FANCC: variants seen among roughly 807,000 people sequenced by gnomAD.
The protein encoded by FANCC is Fanconi anemia group C protein.
Under a neutral mutation model 71.3 loss-of-function variants are expected in FANCC, and 55 were observed. That is an observed-to-expected ratio of 0.77 (90% CI 0.62 to 0.97). FANCC has a LOEUF of 0.97. Among genes scored for constraint, FANCC ranks in the 50% least tolerant of loss-of-function variants. The pLI is 0.00. For synonymous variants in FANCC, 275 were observed against 244.9 expected (o/e 1.12, Z -1.15); for missense variants, 678 against 670.9 (o/e 1.01, Z -0.12).
intron 4 of FANCC, among the ~76,000 whole-genome samples, chr9:95,205,038 G>C (rs1313845742): frequency 6.6e-6 from 1 of 152,164 alleles, no homozygotes; most frequent in African/African-American, 2.4e-5. Flanking sequence ...AAATGAAAAT[G>C]ACTAAAGCAT....
intron 8 of FANCC, among the ~76,000 whole-genome samples, chr9:95,130,721 A>C (rs947657167): frequency 1.3e-5 from 2 of 152,188 alleles, no homozygotes; most frequent in African/African-American, 2.4e-5. Flanking sequence ...TTCTCTCCAC[A>C]GTGGGAAGCC....
At chr9:95,145,520 T>C (rs1488245968) in intron 7 of FANCC, 1 of 152,142 alleles carries the variant, frequency 6.6e-6, no homozygotes, top group African/African-American at 2.4e-5. Flanking sequence ...TCCCTGCAAC[T>C]AGAAAAATTG....
intron 1 of FANCC, chr9:95,293,884 G>A (rs1483129076): frequency 6.2e-7 from 1 of 1,605,678 alleles, no homozygotes; most frequent in Non-Finnish European, 8.5e-7. Flanking sequence ...GGAATGTGCA[G>A]AGACATTTTT....
At chr9:95,290,129 G>T (rs974000321) in intron 1 of FANCC, among the ~76,000 whole-genome samples, 4 of 152,138 alleles carry the variant, frequency 2.6e-5, no homozygotes, top group African/African-American at 4.8e-5. Context: ...ATGTCACTGG[G>T]TTCCAGAAGA....
intron 4 of FANCC, among the ~76,000 whole-genome samples, chr9:95,225,576 A>C (rs1332902444): frequency 6.6e-6 from 1 of 152,222 alleles, no homozygotes; most frequent in African/African-American, 2.4e-5. Flanking sequence ...AACAAAACAA[A>C]CTGAAAACAT....
At chr9:95,150,430 C>G (rs1286854718) in intron 6 of FANCC, among the ~76,000 whole-genome samples, 2 of 152,132 alleles carry the variant, frequency 1.3e-5, no homozygotes, top group Non-Finnish European at 2.9e-5. Flanking sequence ...TGATTCCTCC[C>G]TTTCTCTCAG....
chr9:95,134,657 G>A (rs1352046213), intron 8 of FANCC, among the ~76,000 whole-genome samples: 1 of 152,234 alleles, frequency 6.6e-6, no homozygotes, highest in Non-Finnish European at 1.5e-5. Context: ...CTTTATTCCT[G>A]TCCTTACAAA....
intron 6 of FANCC, among the ~76,000 whole-genome samples, chr9:95,168,595 A>G (rs1825459582): frequency 6.6e-6 from 1 of 152,212 alleles, no homozygotes; most frequent in African/African-American, 2.4e-5. Context: ...CAGTGATGCA[A>G]TATCAGCTCA....
intron 6 of FANCC, among the ~76,000 whole-genome samples, chr9:95,168,980 C>G (rs574949311): frequency 6.6e-6 from 1 of 152,284 alleles, no homozygotes; most frequent in East Asian, 1.9e-4. Context: ...GTTGTCAGAT[C>G]AACTGTCACA....
chr9:95,129,166 G>T (rs577361140), intron 8 of FANCC, among the ~76,000 whole-genome samples: 1 of 152,200 alleles, frequency 6.6e-6, no homozygotes, highest in East Asian at 1.9e-4. Context: ...AGTCTCCCTT[G>T]CTACCCCTAC....
chr9:95,187,415 G>A (rs1465089648), intron 4 of FANCC, among the ~76,000 whole-genome samples: 2 of 152,198 alleles, frequency 1.3e-5, no homozygotes, highest in African/African-American at 4.8e-5. Flanking sequence ...ACACTCACCT[G>A]ACGATATCAT....
chr9:95,201,549 G>A lies in FANCC; in HGVS notation c.346-29402C>T, dbSNP rs142864851. On this transcript the variant is annotated intron_variant, in intron 4 of 14. Transcript: ENST00000289081. ...CAAGTCTGGTTCTCTCTTTCCCTCC[G>A]TATTTTCTTCAAAGCAATCCACTAA... 6.7e-4 allele frequency among the ~76,000 whole-genome samples: 102 copies of A among 152,044 alleles called. No homozygotes were observed. The East Asian group carries it at 0.017, about 25-fold the overall frequency.
At chr9:95,163,565 A>G (rs1365051139) in intron 6 of FANCC, among the ~76,000 whole-genome samples, 1 of 152,130 alleles carries the variant, frequency 6.6e-6, no homozygotes, top group Non-Finnish European at 1.5e-5. Flanking sequence ...AATACTAAGC[A>G]TAGGCTGGGT....
chr9:95,150,162 C>A (rs2135430260), intron 6 of FANCC, 75 bp from the exon 7 acceptor site: 1 of 1,520,260 alleles, frequency 6.6e-7, no homozygotes, highest in South Asian at 1.2e-5. Context: ...AACCTTCATG[C>A]TAAAAAGGTC....
chr9:95,186,395 C>CCA (rs1359977492), intron 4 of FANCC: 1 of 152,322 alleles, frequency 6.6e-6, no homozygotes, highest in African/African-American at 2.4e-5. Context: ...GTTGTGACAA[C>CCA]CACACGTCCC....
chr9:95,151,834 G>GGGA (rs931836950), intron 6 of FANCC, among the ~76,000 whole-genome samples: 2 of 151,936 alleles, frequency 1.3e-5, no homozygotes, highest in African/African-American at 2.4e-5. Flanking sequence ...GGGCGGAGGT[G>GGGA]GGAGGGTTGC....
At chr9:95,179,049 G>T (rs772755780) in intron 4 of FANCC, among the ~76,000 whole-genome samples, 4 of 152,090 alleles carry the variant, frequency 2.6e-5, no homozygotes, top group African/African-American at 9.7e-5. Context: ...TAGAGATTTC[G>T]CTAACTTTGG....
chr9:95,109,212 A>G (rs1010927484), intron 13 of FANCC, among the ~76,000 whole-genome samples: 2 of 152,214 alleles, frequency 1.3e-5, no homozygotes, highest in Admixed American at 1.3e-4. Flanking sequence ...ACACCCGTCC[A>G]AGAGCATGAT....
At chr9:95,160,935 C>A (rs1381490779) in intron 6 of FANCC, among the ~76,000 whole-genome samples, 1 of 152,074 alleles carries the variant, frequency 6.6e-6, no homozygotes, top group Non-Finnish European at 1.5e-5. Flanking sequence ...TGGGCTGAGA[C>A]AATGGGGTTT....
Sources: gnomAD v4.1 joint callset for allele counts (sites outside exome capture counted in the v4.1 genomes callset) on GRCh38, gnomAD v4.1.1 for gene constraint, MANE v1.5 for transcripts, NCBI Gene and HGNC (gene_info 2026-07-23, HGNC 2026-07-21) for gene names.